NIPBL: variants seen among roughly 807,000 people sequenced by gnomAD.
The protein encoded by NIPBL is nipped-B-like protein.
A neutral mutation model predicts 321.8 loss-of-function variants in NIPBL; 19 were observed. That is an observed-to-expected ratio of 0.06 (90% CI 0.04 to 0.09). NIPBL has a LOEUF of 0.09. NIPBL is among the 10% of genes least tolerant of loss of function. The pLI is 1.00. For synonymous variants in NIPBL, 1,106 were observed against 1,114.1 expected (o/e 0.99, Z 0.14); for missense variants, 2,210 against 3,327.0 (o/e 0.66, Z 8.26).
chr5:37,044,543 T>C (rs1579557286), intron 35 of NIPBL, 56 bp downstream of exon 35: 1 of 1,590,548 alleles, frequency 6.3e-7, no homozygotes, highest in African/African-American at 1.4e-5. Context: ...TAATGTATTT[T>C]ATTAAAATTT....
Position 36,961,666 on chromosome 5 carries a change from A to G in NIPBL, c.458+83A>G, listed in dbSNP as rs1580338899. On this transcript the variant is annotated intron_variant, in intron 5 of 46. Transcript: ENST00000282516. Reference sequence around the variant, plus strand: ...AATATATGGTTCATACATTTAGGTAATGGTGGATTATTTAGAGTTTAAATA... The same window carrying G: ...AATATATGGTTCATACATTTAGGTAGTGGTGGATTATTTAGAGTTTAAATA... 5.5e-6 allele frequency: 5 copies of G among 912,042 alleles called. No individual in the cohort carries two copies. The East Asian group carries it at 9.7e-5, about 18-fold the overall frequency. 56.5% of individuals were successfully genotyped at this position (912,042 alleles called of 1,614,324 possible). A position where few individuals can be genotyped will look rare whatever the true frequency, so the allele number is the denominator to read the frequency against.
At position 36,976,044 on chromosome 5, in the gene NIPBL, T is replaced by A. The variant is rs1281724475; in HGVS notation, c.1137T>A (p.Gly379=). The part of the protein sequence containing the change: ...DMDQQEDMIS[G]VENSNVSEND... ...ACCAGCAAGAGGATATGATTTCTGGTGTGGAAAATAGCAATGTTTCAGAAA... is the reference window on the plus strand; with the variant it reads ...ACCAGCAAGAGGATATGATTTCTGGAGTGGAAAATAGCAATGTTTCAGAAA... The change falls in exon 9 of 47, where the codon GGT becomes GGA. Residue 379 remains glycine, a synonymous_variant. Coordinates refer to ENST00000282516, the MANE Select transcript of NIPBL (RefSeq NM_133433.4). The A allele has an allele frequency of 6.2e-7, 1 of 1,614,100 alleles. No homozygotes were observed. The highest frequency in any genetic ancestry group is 1.7e-5 in the Admixed American group (1 of 59,996).
intron 9 of NIPBL, among the ~76,000 whole-genome samples, chr5:36,977,884 C>T (rs1400742807): frequency 6.6e-6 from 1 of 151,752 alleles, no homozygotes; most frequent in African/African-American, 2.4e-5. Context: ...TGCATTATTT[C>T]ACTTAGGGTA....
intron 33 of NIPBL, 63 bp from the exon 34 acceptor site, chr5:37,038,539 T>A (rs1022568010): frequency 2.6e-5 from 38 of 1,456,754 alleles, no homozygotes; most frequent in Non-Finnish European, 3.5e-5. Flanking sequence ...TTAAATAATA[T>A]TCTGTATAGT....
At position 36,985,970 on chromosome 5, in the gene NIPBL, T is replaced by C; in HGVS notation, c.2790T>C (p.Thr930=). The C allele has an allele frequency of 6.2e-7, 1 of 1,613,914 alleles. No homozygotes were observed. Among genetic ancestry groups the C allele is most frequent in the Non-Finnish European group, 8.5e-7 (1 of 1,179,920 alleles). The change falls in exon 10 of 47, where the codon ACT becomes ACC. Residue 930 remains threonine, a synonymous_variant. Transcript: ENST00000282516. ...RTEGNKSKVD[T]NKAHPDNKAE... is the part of the protein sequence containing the mutation. ...AGGGTAACAAGAGTAAAGTAGACAC[T>C]AATAAAGCACACCCTGACAATAAGG...
intron 42 of NIPBL, among the ~76,000 whole-genome samples, chr5:37,053,829 C>T (rs1262334351): frequency 6.6e-6 from 1 of 152,182 alleles, no homozygotes; most frequent in African/African-American, 2.4e-5. Context: ...GTTTAACGAG[C>T]ATAAAATAGT....
chr5:36,906,861 T>C (rs1010534347), intron 1 of NIPBL, among the ~76,000 whole-genome samples: 15 of 152,200 alleles, frequency 9.9e-5, no homozygotes, highest in African/African-American at 2.9e-4. Context: ...TTAAGCACTG[T>C]CTTGATGTGG....
intron 32 of NIPBL, among the ~76,000 whole-genome samples, chr5:37,030,729 G>C (rs1476652070): frequency 6.6e-6 from 1 of 151,056 alleles, no homozygotes; most frequent in Non-Finnish European, 1.5e-5. Context: ...ACTAAACTCT[G>C]TTCATTGTCT....
intron 1 of NIPBL, chr5:36,886,421 A>C (rs1020999475): frequency 4.1e-6 from 3 of 739,072 alleles, no homozygotes; most frequent in Non-Finnish European, 7.4e-6. Flanking sequence ...CAAACTATCC[A>C]AAAGACCACC....
At chr5:36,915,145 T>TA (rs1241438349) in intron 1 of NIPBL, among the ~76,000 whole-genome samples, 1 of 152,034 alleles carries the variant, frequency 6.6e-6, no homozygotes, top group Non-Finnish European at 1.5e-5. Flanking sequence ...ATGTAGTTCT[T>TA]AAAAAATATC....
intron 1 of NIPBL, among the ~76,000 whole-genome samples, chr5:36,934,461 A>G (rs2149575582): frequency 6.6e-6 from 1 of 152,246 alleles, no homozygotes; most frequent in Middle Eastern, 3.4e-3. Context: ...GGTAAGTGAA[A>G]TGATAGAGGA....
chr5:36,886,201 C>G (rs554945454), intron 1 of NIPBL: 3 of 654,364 alleles, frequency 4.6e-6, no homozygotes, highest in Admixed American at 2.1e-5. Context: ...CTGCTATGCC[C>G]TGCAGGTAGA....
intron 21 of NIPBL, among the ~76,000 whole-genome samples, chr5:37,013,121 G>T (rs1328634394): frequency 3.3e-5 from 5 of 150,194 alleles, no homozygotes; most frequent in Admixed American, 2.0e-4. Flanking sequence ...GGGCGGCTGG[G>T]CAGAGGCGCC....
At chr5:37,024,828 C>A in intron 30 of NIPBL, 109 bp downstream of exon 30, 1 of 831,364 alleles carries the variant, frequency 1.2e-6, no homozygotes, top group Non-Finnish European at 1.8e-6. Context: ...TACAATGAAT[C>A]GTTTATAGTT....
intron 42 of NIPBL, among the ~76,000 whole-genome samples, chr5:37,053,750 C>T (rs1214753510): frequency 6.6e-6 from 1 of 152,184 alleles, no homozygotes; most frequent in African/African-American, 2.4e-5. Flanking sequence ...TTAAAGTTTA[C>T]CTTTTAATTT....
chr5:36,914,726 AAC>A (rs1748326091), intron 1 of NIPBL, among the ~76,000 whole-genome samples: 1 of 152,214 alleles, frequency 6.6e-6, no homozygotes, highest in African/African-American at 2.4e-5. Flanking sequence ...TTCAGTGACA[AAC>A]AGTGGCTTTC....
At chr5:36,909,665 A>G (rs1244567498) in intron 1 of NIPBL, among the ~76,000 whole-genome samples, 1 of 152,224 alleles carries the variant, frequency 6.6e-6, no homozygotes, top group East Asian at 1.9e-4. Context: ...CTGAATGAGT[A>G]TTATAAATAG....
chr5:37,022,225 T>C lies in NIPBL; in HGVS notation c.5428-19T>C. 1.2e-6 allele frequency: 2 copies of C among 1,613,946 alleles called. No individual in the cohort carries two copies. The highest frequency in any genetic ancestry group is 1.7e-6 in the Non-Finnish European group (2 of 1,179,892). ...TCTATTTAGGTATAAATTGTTTTTT[T>C]CTCTTCATTTTTCTTTAGCTTGATA... On this transcript the variant is annotated intron_variant, in intron 28 of 46. Transcript: ENST00000282516.
intron 1 of NIPBL, among the ~76,000 whole-genome samples, chr5:36,906,509 CTAA>C (rs982205089): frequency 7.2e-5 from 11 of 152,120 alleles, no homozygotes; most frequent in Non-Finnish European, 1.3e-4. Flanking sequence ...TATCAAACTA[CTAA>C]TGTCTTTTAG....
Sources: allele counts gnomAD v4.1 joint callset (sites outside exome capture counted in the v4.1 genomes callset), GRCh38; gene constraint gnomAD v4.1.1; transcripts MANE v1.5; gene names NCBI Gene and HGNC (gene_info 2026-07-23, HGNC 2026-07-21).